Variants in SORL1 observed in about 807,000 individuals in gnomAD.
The protein encoded by SORL1 is sortilin-related receptor.
SORL1 carries 127 observed loss-of-function variants against 273.7 expected under a neutral mutation model. The observed-to-expected ratio is 0.46, with a 90% confidence interval of 0.40 to 0.54. The LOEUF is 0.54. SORL1 is among the 20% of genes least tolerant of loss of function. SORL1 has a pLI of 0.00. For missense variants in SORL1, 2,494 were observed against 2,846.1 expected (o/e 0.88, Z 2.81); for synonymous variants, 1,031 against 1,067.4 (o/e 0.97, Z 0.66).
Position 121,589,398 on chromosome 11 carries a change from G to T in SORL1, c.4078+8G>T. 1 of 1,612,568 alleles carries T rather than the reference G, an allele frequency of 6.2e-7. No individual in the cohort carries two copies. The highest frequency in any genetic ancestry group is 1.1e-5 in the South Asian group (1 of 91,060). On this transcript the variant is annotated splice_region_variant and intron_variant, in intron 29 of 47. Transcript: ENST00000260197. ...CTGATGAAGCCAACTGCGGTAAGAT[G>T]TCCAGTCTGCCTCCTCACATCCTAA...
intron 26 of SORL1, among the ~76,000 whole-genome samples, 169 bp from the exon 27 acceptor site, chr11:121,586,053 C>G (rs963110104): frequency 6.6e-6 from 1 of 152,134 alleles, no homozygotes; most frequent in Non-Finnish European, 1.5e-5. Context: ...TACATTTCTA[C>G]AAAAGTAGAA....
At chr11:121,581,279 C>A (rs1158014459) in intron 25 of SORL1, among the ~76,000 whole-genome samples, 1 of 152,218 alleles carries the variant, frequency 6.6e-6, no homozygotes, top group Non-Finnish European at 1.5e-5. Context: ...CTACTTATTT[C>A]ATCCATTCTA....
At chr11:121,487,336 G>C (rs1396301267) in intron 3 of SORL1, among the ~76,000 whole-genome samples, 1 of 152,206 alleles carries the variant, frequency 6.6e-6, no homozygotes, top group Non-Finnish European at 1.5e-5. Context: ...CTTCTCCCCA[G>C]GGAATTCTTT....
chr11:121,586,843 G>A (rs977871272), intron 27 of SORL1, among the ~76,000 whole-genome samples: 1 of 152,024 alleles, frequency 6.6e-6, no homozygotes, highest in Non-Finnish European at 1.5e-5. Context: ...ACCACCTGGT[G>A]CCTGGACCTT....
chr11:121,520,290 G>T (rs564768827), intron 8 of SORL1, among the ~76,000 whole-genome samples: 8 of 152,280 alleles, frequency 5.3e-5, no homozygotes, highest in Admixed American at 5.2e-4. Flanking sequence ...CTAACAATGT[G>T]CTATAATGTG....
chr11:121,610,022 T>G (rs943169999), intron 38 of SORL1: 1 of 152,224 alleles, frequency 6.6e-6, no homozygotes, highest in Non-Finnish European at 1.5e-5. Flanking sequence ...CCAATATCCT[T>G]TCTTCTTCCG....
chr11:121,564,767 T>C (rs1484574335), intron 21 of SORL1, among the ~76,000 whole-genome samples: 2 of 151,966 alleles, frequency 1.3e-5, no homozygotes, highest in Non-Finnish European at 2.9e-5. Flanking sequence ...GGAGGCGGTC[T>C]TCACTATGTT....
chr11:121,629,391 C>T, intron 47 of SORL1, 105 bp from the exon 48 acceptor site: 3 of 711,588 alleles, frequency 4.2e-6, no homozygotes, highest in Non-Finnish European at 7.8e-6. Flanking sequence ...TTGACCTTCT[C>T]AGCTAGAGGG....
intron 18 of SORL1, among the ~76,000 whole-genome samples, chr11:121,555,781 C>G (rs1862572019): frequency 6.6e-6 from 1 of 152,076 alleles, no homozygotes; most frequent in African/African-American, 2.4e-5. Context: ...TTATTAATCC[C>G]CATTTCTCTG....
rs551955537 is a variant in SORL1 at position 121,624,655 on chromosome 11, G to A, written c.6172-430G>A. Among the ~76,000 whole-genome samples the A allele has an allele frequency of 2.6e-5, 4 of 152,286 alleles. No homozygotes were observed. The East Asian group carries it at 7.7e-4, about 29-fold the overall frequency. On this transcript the variant is annotated intron_variant, in intron 45 of 47. Coordinates refer to ENST00000260197, the MANE Select transcript of SORL1 (RefSeq NM_003105.6). ...AATGTCTTGTCTTTTCTAATTGCAA[G>A]TTCTCCTTTCTCACCCCATTGCTGG...
intron 18 of SORL1, among the ~76,000 whole-genome samples, chr11:121,555,825 T>C (rs1312109328): frequency 2.0e-5 from 3 of 152,202 alleles, no homozygotes; most frequent in South Asian, 2.1e-4. Flanking sequence ...TCCCACCTTA[T>C]ATACCCAAGG....
chr11:121,593,135 G>C (rs1229527620), intron 31 of SORL1, among the ~76,000 whole-genome samples: 1 of 152,166 alleles, frequency 6.6e-6, no homozygotes, highest in Non-Finnish European at 1.5e-5. Context: ...GGAGCCCTCT[G>C]ATGCCTCCCT....
chr11:121,453,318 T>C (rs1203120113), intron 1 of SORL1, among the ~76,000 whole-genome samples: 1 of 152,188 alleles, frequency 6.6e-6, no homozygotes, highest in African/African-American at 2.4e-5. Flanking sequence ...TATTATTCTA[T>C]AAGTGATTTA....
At chr11:121,531,023 C>G (rs934066472) in intron 11 of SORL1, among the ~76,000 whole-genome samples, 1 of 152,152 alleles carries the variant, frequency 6.6e-6, no homozygotes. Context: ...GTTTCCACTT[C>G]TCTGGGAGAA....
intron 41 of SORL1, among the ~76,000 whole-genome samples, chr11:121,615,414 C>T (rs550889986): frequency 6.6e-6 from 1 of 152,154 alleles, no homozygotes; most frequent in Admixed American, 6.5e-5. Flanking sequence ...GCAAGAAAAT[C>T]CTCCCTTCTA....
chr11:121,545,310 G>A lies in SORL1; in HGVS notation c.1932G>A (p.Leu644=). 1 of 1,614,186 alleles carries A rather than the reference G, an allele frequency of 6.2e-7. No homozygotes were observed. Among genetic ancestry groups the A allele is most frequent in the Non-Finnish European group, 8.5e-7 (1 of 1,180,026 alleles). Residue 644 remains leucine (L), a synonymous_variant, in exon 14 of 48, where the codon TTG becomes TTA. Coordinates refer to ENST00000260197, the MANE Select transcript of SORL1 (RefSeq NM_003105.6). ...CTGATGAGCGGGGGAATGAGTGTTT[G>A]CTGGGACACAAGACTGTTTTCAAAC... ...SPSDERGNEC[L]LGHKTVFKRR... is the part of the protein sequence containing the mutation.
At chr11:121,517,328 CAT>C (rs1176251401) in intron 8 of SORL1, among the ~76,000 whole-genome samples, 1 of 152,182 alleles carries the variant, frequency 6.6e-6, no homozygotes, top group Non-Finnish European at 1.5e-5. Context: ...TAAATGGAAT[CAT>C]ACAATAATAT....
intron 16 of SORL1, among the ~76,000 whole-genome samples, chr11:121,552,851 A>C (rs969570898): frequency 6.6e-6 from 1 of 152,228 alleles, no homozygotes; most frequent in African/African-American, 2.4e-5. Flanking sequence ...TCCGATTTGC[A>C]TCTTGGTCCC....
At chr11:121,603,946 T>G (rs1346155171) in intron 32 of SORL1, among the ~76,000 whole-genome samples, 1 of 152,214 alleles carries the variant, frequency 6.6e-6, no homozygotes, top group African/African-American at 2.4e-5. Flanking sequence ...CTCATGCAGA[T>G]CTAGGATTTA....
Sources: gnomAD v4.1 joint callset for allele counts (sites outside exome capture counted in the v4.1 genomes callset) on GRCh38, gnomAD v4.1.1 for gene constraint, MANE v1.5 for transcripts, NCBI Gene and HGNC (gene_info 2026-07-23, HGNC 2026-07-21) for gene names.